The following NAALADL2 variants were observed in gnomAD, a reference collection of about 807,000 sequenced individuals.
NAALADL2 encodes inactive N-acetylated-alpha-linked acidic dipeptidase-like protein 2.
A neutral mutation model predicts 87.2 loss-of-function variants in NAALADL2; 76 were observed. That is an observed-to-expected ratio of 0.87 (90% CI 0.72 to 1.05). The LOEUF is 1.05. NAALADL2 is among the 50% of genes least tolerant of loss of function. The probability of loss-of-function intolerance (pLI) is 0.00; values close to 1 mark genes in which losing one functional copy is unlikely to be tolerated. For missense variants in NAALADL2, 1,089 were observed against 945.8 expected, an observed-to-expected ratio of 1.15 and a Z score of -1.99; for synonymous variants, 354 against 331.0, an observed-to-expected ratio of 1.07 and a Z score of -0.75.
intron 1 of NAALADL2, among the ~76,000 whole-genome samples, chr3:175,006,713 G>C (rs1181610727): frequency 2.0e-5 from 3 of 151,796 alleles, no homozygotes; most frequent in Non-Finnish European, 4.4e-5. Flanking sequence ...CCACCTCTAA[G>C]TCAGTTGAAC....
chr3:175,498,465 C>CTT (rs1360218551), intron 9 of NAALADL2, among the ~76,000 whole-genome samples: 6 of 151,984 alleles, frequency 3.9e-5, no homozygotes, highest in African/African-American at 1.4e-4. Flanking sequence ...ATTTTACAAC[C>CTT]TTGCCTATGA....
chr3:175,187,082 T>C (rs919708509), intron 2 of NAALADL2, among the ~76,000 whole-genome samples: 12 of 152,154 alleles, frequency 7.9e-5, no homozygotes, highest in African/African-American at 2.7e-4. Flanking sequence ...GACACTGCAA[T>C]TGTCAAGGCC....
chr3:174,916,771 G>C lies in NAALADL2; in HGVS notation c.43+57321G>C, dbSNP rs1207648147. Among the ~76,000 whole-genome samples, 3 of 152,188 alleles carry C rather than the reference G, an allele frequency of 2.0e-5. No individual in the cohort carries two copies. The East Asian group carries it at 5.8e-4, about 29-fold the overall frequency. The stretch of plus-strand genomic sequence containing the variant: ...CTACACACTGTGTATAGTGTATACT[G>C]CTCAAGTGATGGGTGTACTAAAATC... On this transcript the variant is annotated intron_variant, in intron 1 of 13. Coordinates refer to ENST00000454872, the MANE Select transcript of NAALADL2 (RefSeq NM_207015.3).
chr3:174,538,697 A>G (rs550092795), intron 1 of NAALADL2, among the ~76,000 whole-genome samples: 1 of 152,242 alleles, frequency 6.6e-6, no homozygotes, highest in African/African-American at 2.4e-5. Flanking sequence ...CTTCATCTGC[A>G]TAATAAAAAC....
chr3:174,519,550 C>T (rs1473835179), intron 1 of NAALADL2, among the ~76,000 whole-genome samples: 2 of 151,870 alleles, frequency 1.3e-5, no homozygotes, highest in South Asian at 2.1e-4. Context: ...AGTCTGGTCT[C>T]GAACTCCCGA....
At chr3:175,314,659 G>T (rs1581380944) in intron 4 of NAALADL2, among the ~76,000 whole-genome samples, 7 of 46,434 alleles carry the variant, frequency 1.5e-4, no homozygotes, top group Non-Finnish European at 1.7e-4. Context: ...AGTATATATA[G>T]TTCTAACTAT....
intron 2 of NAALADL2, among the ~76,000 whole-genome samples, chr3:175,225,759 G>A (rs1351549952): frequency 6.6e-5 from 10 of 151,936 alleles, no homozygotes; most frequent in South Asian, 2.1e-4. Flanking sequence ...TTGAAGACTC[G>A]TATTGTCTTA....
intron 1 of NAALADL2, among the ~76,000 whole-genome samples, chr3:174,491,217 C>T (rs979740377): frequency 6.6e-6 from 1 of 152,038 alleles, no homozygotes; most frequent in African/African-American, 2.4e-5. Flanking sequence ...CTATTCAATC[C>T]TGTATCATTT....
chr3:175,447,884 A>G (rs1000833232), intron 6 of NAALADL2, among the ~76,000 whole-genome samples: 1 of 152,168 alleles, frequency 6.6e-6, no homozygotes, highest in African/African-American at 2.4e-5. Context: ...CGTAGGATGA[A>G]ACTGAAGTAG....
chr3:174,565,610 T>C (rs1714162280), intron 2 of NAALADL2, among the ~76,000 whole-genome samples: 1 of 152,070 alleles, frequency 6.6e-6, no homozygotes, highest in South Asian at 2.1e-4. Flanking sequence ...TTTTGGTAAT[T>C]GTTAATAAAG....
intron 11 of NAALADL2, among the ~76,000 whole-genome samples, chr3:175,664,953 G>C (rs1293999282): frequency 1.3e-5 from 2 of 151,918 alleles, no homozygotes; most frequent in Non-Finnish European, 2.9e-5. Flanking sequence ...TCTTCATTTT[G>C]ATGGTCCCTT....
chr3:174,624,607 G>A (rs941509765), intron 2 of NAALADL2, among the ~76,000 whole-genome samples: 14 of 137,832 alleles, frequency 1.0e-4, no homozygotes, highest in Non-Finnish European at 1.5e-4. Context: ...CTGGGCGACA[G>A]AGCGAGACTC....
intron 3 of NAALADL2, among the ~76,000 whole-genome samples, chr3:174,780,330 T>G (rs768170596): frequency 6.6e-6 from 1 of 152,200 alleles, no homozygotes; most frequent in Non-Finnish European, 1.5e-5. Flanking sequence ...GCACATTGAT[T>G]TTGTATCCTG....
chr3:175,001,074 C>G (rs1748164061), intron 1 of NAALADL2, among the ~76,000 whole-genome samples: 1 of 152,156 alleles, frequency 6.6e-6, no homozygotes, highest in African/African-American at 2.4e-5. Context: ...GTTTCCCAGA[C>G]AGGAGACTTT....
chr3:175,490,475 C>A (rs893053869), intron 9 of NAALADL2, among the ~76,000 whole-genome samples: 8 of 151,912 alleles, frequency 5.3e-5, no homozygotes, highest in Non-Finnish European at 8.8e-5. Flanking sequence ...CAAGCTCTGC[C>A]TCCCGGGTTC....
intron 1 of NAALADL2, among the ~76,000 whole-genome samples, chr3:174,942,478 T>C (rs767299069): frequency 6.6e-6 from 1 of 152,186 alleles, no homozygotes; most frequent in Admixed American, 6.5e-5. Context: ...TTTCTTTCAT[T>C]TCAACCTTGG....
At chr3:175,397,312 A>G (rs1490453425) in intron 5 of NAALADL2, 1 of 152,132 alleles carries the variant, frequency 6.6e-6, no homozygotes, top group Non-Finnish European at 1.5e-5. Context: ...TCTCTGTATC[A>G]TTCCAATTAT....
chr3:175,610,703 C>T (rs1724509822), intron 10 of NAALADL2, among the ~76,000 whole-genome samples: 1 of 152,032 alleles, frequency 6.6e-6, no homozygotes, highest in South Asian at 2.1e-4. Context: ...GATTCAGAGA[C>T]ATTGCATTCA....
At chr3:175,440,910 T>C (rs1392362745) in intron 5 of NAALADL2, among the ~76,000 whole-genome samples, 1 of 152,174 alleles carries the variant, frequency 6.6e-6, no homozygotes, top group Non-Finnish European at 1.5e-5. Flanking sequence ...GGCTAGGACT[T>C]CCTCTATGTC....
Sources: gnomAD v4.1 joint callset for allele counts (sites outside exome capture counted in the v4.1 genomes callset) on GRCh38, gnomAD v4.1.1 for gene constraint, MANE v1.5 for transcripts, NCBI Gene and HGNC (gene_info 2026-07-23, HGNC 2026-07-21) for gene names.